The following EPS15 variants were observed in gnomAD, a reference collection of about 807,000 sequenced individuals.
EPS15 encodes the protein epidermal growth factor receptor pathway substrate 15, also known as epidermal growth factor receptor substrate 15.
In EPS15, 72 loss-of-function variants were observed where a neutral mutation model predicts 113.8. The observed-to-expected ratio is 0.63, with a 90% CI of 0.52 to 0.77. The LOEUF (loss-of-function observed/expected upper bound fraction) is 0.77. Among genes scored for constraint, EPS15 ranks in the 30% least tolerant of loss-of-function variants. EPS15 has a pLI of 0.00. For missense variants in EPS15, 1,048 were observed against 1,045.8 expected (o/e 1.00, Z -0.03); for synonymous variants, 344 against 363.4 (o/e 0.95, Z 0.61).
At chr1:51,415,465 GTCTC>G (rs1361705309) in intron 13 of EPS15, among the ~76,000 whole-genome samples, 1 of 152,028 alleles carries the variant, frequency 6.6e-6, no homozygotes, top group Non-Finnish European at 1.5e-5. Flanking sequence ...TATAATTAAT[GTCTC>G]TCTATGTCTA....
intron 1 of EPS15, among the ~76,000 whole-genome samples, chr1:51,518,735 T>G (rs977927267): frequency 2.0e-5 from 3 of 151,870 alleles, no homozygotes; most frequent in African/African-American, 7.2e-5. Context: ...CAACTCCTAC[T>G]GGGGGCGGCG....
intron 1 of EPS15, chr1:51,518,314 A>C (rs1644764243): frequency 6.6e-6 from 1 of 152,474 alleles, no homozygotes; most frequent in Non-Finnish European, 1.5e-5. Context: ...CAACGAGGCA[A>C]GAGGGAAGCT....
chr1:51,446,453 C>CTTTTTTTT (rs370161989), intron 10 of EPS15, among the ~76,000 whole-genome samples: 1 of 132,252 alleles, frequency 7.6e-6, no homozygotes, highest in Non-Finnish European at 1.6e-5. Context: ...CACTGTCATT[C>CTTTTTTTT]TTTTTTTTTT....
chr1:51,512,307 T>A (rs1644635120), intron 1 of EPS15, among the ~76,000 whole-genome samples: 1 of 152,190 alleles, frequency 6.6e-6, no homozygotes, highest in Admixed American at 6.5e-5. Flanking sequence ...CTTAAGAGGT[T>A]AAGTAATTTG....
At chr1:51,505,509 C>T (rs1236280035) in intron 1 of EPS15, among the ~76,000 whole-genome samples, 1 of 152,054 alleles carries the variant, frequency 6.6e-6, no homozygotes, top group Non-Finnish European at 1.5e-5. Flanking sequence ...GTTGCTTAGG[C>T]TGGGGGAAGC....
chr1:51,510,518 T>C (rs1644601040), intron 1 of EPS15, among the ~76,000 whole-genome samples: 1 of 152,234 alleles, frequency 6.6e-6, no homozygotes, highest in Admixed American at 6.5e-5. Context: ...GCATCAGTCC[T>C]CTTCCTTCTC....
chr1:51,515,890 G>A (rs1227926406), intron 1 of EPS15, among the ~76,000 whole-genome samples: 7 of 152,146 alleles, frequency 4.6e-5, no homozygotes, highest in Non-Finnish European at 1.0e-4. Flanking sequence ...AAAACATATC[G>A]TTAGATTCTA....
chr1:51,444,816 T>C (rs1240404234), intron 11 of EPS15, 73 bp downstream of exon 11: 2 of 1,375,502 alleles, frequency 1.5e-6, no homozygotes. Context: ...TTCATCCAAA[T>C]TGAATCTGTA....
At chr1:51,432,465 G>A (rs1466578778) in intron 12 of EPS15, among the ~76,000 whole-genome samples, 2 of 151,860 alleles carry the variant, frequency 1.3e-5, no homozygotes, top group Non-Finnish European at 2.9e-5. Flanking sequence ...ACCATGCCCA[G>A]CCTAAGTAAT....
chr1:51,410,292 G>C (rs763187301), intron 13 of EPS15, among the ~76,000 whole-genome samples: 1 of 151,676 alleles, frequency 6.6e-6, no homozygotes, highest in Non-Finnish European at 1.5e-5. Context: ...TTGGGAGGCT[G>C]AGATGGGAGG....
intron 21 of EPS15, among the ~76,000 whole-genome samples, chr1:51,376,160 G>A (rs940322125): frequency 6.6e-6 from 1 of 152,226 alleles, no homozygotes; most frequent in Non-Finnish European, 1.5e-5. Context: ...AGTCTCCTAT[G>A]GGGCTAATGC....
chr1:51,444,760 A>G (rs1652868570), intron 11 of EPS15, 129 bp downstream of exon 11: 2 of 860,230 alleles, frequency 2.3e-6, no homozygotes, highest in East Asian at 5.3e-5. Context: ...CTAAACCACA[A>G]ACAGTATACT....
At chr1:51,358,716 T>TTG (rs1646303409) in intron 24 of EPS15, among the ~76,000 whole-genome samples, 1 of 149,840 alleles carries the variant, frequency 6.7e-6, no homozygotes, top group African/African-American at 2.5e-5. Context: ...TTTGTTTTTT[T>TTG]TTTTTTTTTT....
chr1:51,453,258 G>C (rs569130994), intron 8 of EPS15, among the ~76,000 whole-genome samples: 1 of 152,136 alleles, frequency 6.6e-6, no homozygotes, highest in Admixed American at 6.5e-5. Flanking sequence ...CACTAGAAGC[G>C]AAAAAGCAAC....
At chr1:51,431,025 C>CAA (rs1348615441) in intron 12 of EPS15, among the ~76,000 whole-genome samples, 63 of 109,902 alleles carry the variant, frequency 5.7e-4, no homozygotes, top group Non-Finnish European at 9.4e-4. Context: ...CACACACACA[C>CAA]ACAAAAATAA....
At chr1:51,422,467 T>C (rs1415650300) in intron 12 of EPS15, among the ~76,000 whole-genome samples, 1 of 152,208 alleles carries the variant, frequency 6.6e-6, no homozygotes, top group Admixed American at 6.5e-5. Context: ...ATTGATCAAA[T>C]ATACAAACAG....
intron 1 of EPS15, among the ~76,000 whole-genome samples, chr1:51,508,330 GAGAAAGAGAGAAAGAA>G (rs1181266488): frequency 1.0e-5 from 1 of 100,172 alleles, no homozygotes; most frequent in African/African-American, 4.0e-5. Flanking sequence ...AAGAGAGAAA[GAGAAAGAGAGAAAGAA>G]AGAAAGAAAG....
At chr1:51,465,429 G>GAT in intron 5 of EPS15, 103 bp from the exon 6 acceptor site, 1 of 658,674 alleles carries the variant, frequency 1.5e-6, no homozygotes, top group Non-Finnish European at 2.7e-6. Flanking sequence ...CAAAATGCTG[G>GAT]ATCTCAATGC....
chr1:51,380,521 G>A (rs186028463), intron 21 of EPS15, among the ~76,000 whole-genome samples: 1 of 152,210 alleles, frequency 6.6e-6, no homozygotes, highest in Admixed American at 6.5e-5. Flanking sequence ...GATGTTTTGT[G>A]TAATCTCCAT....
Sources: gnomAD v4.1 joint callset for allele counts (sites outside exome capture counted in the v4.1 genomes callset) on GRCh38, gnomAD v4.1.1 for gene constraint, MANE v1.5 for transcripts, NCBI Gene and HGNC (gene_info 2026-07-23, HGNC 2026-07-21) for gene names.